The following DRC3 variants were observed in gnomAD, a reference collection of about 807,000 sequenced individuals.
DRC3 encodes the protein dynein regulatory complex subunit 3.
DRC3 carries 45 observed loss-of-function variants against 57.6 expected under a neutral mutation model. That is an observed-to-expected ratio of 0.78 (90% CI 0.62 to 1.00). DRC3 has a LOEUF of 1.00. Ranked by LOEUF, DRC3 falls within the 50% of genes least tolerant of loss-of-function variation. The pLI is 0.00. For synonymous variants in DRC3, 257 were observed against 272.3 expected (o/e 0.94, Z 0.55); for missense variants, 655 against 675.2 (o/e 0.97, Z 0.33).
chr17:17,974,278 C>A (rs2042282045), intron 2 of DRC3, among the ~76,000 whole-genome samples: 1 of 152,220 alleles, frequency 6.6e-6, no homozygotes. Context: ...TTGCTAACAC[C>A]CTGGTCATCT....
intron 3 of DRC3, chr17:17,978,080 G>C: frequency 5.0e-6 from 1 of 199,208 alleles, no homozygotes. Flanking sequence ...GGTGTCCTTG[G>C]AGTGGGGGTC....
intron 12 of DRC3, chr17:18,015,725 T>C (rs2044335431): frequency 8.8e-6 from 2 of 227,046 alleles, no homozygotes; most frequent in Non-Finnish European, 1.8e-5. Flanking sequence ...TTGAGAGTAA[T>C]TGAGAGAGAA....
At chr17:17,994,467 A>T in intron 7 of DRC3, 49 bp downstream of exon 7, 1 of 1,542,740 alleles carries the variant, frequency 6.5e-7, no homozygotes, top group Non-Finnish European at 8.7e-7. Flanking sequence ...GATGCCCACA[A>T]GAGGGCACTG....
chr17:17,993,133 C>A, intron 6 of DRC3: 1 of 521,018 alleles, frequency 1.9e-6, no homozygotes, highest in Non-Finnish European at 3.4e-6. Flanking sequence ...AGGCCTCTTC[C>A]ACACACTGTC....
At chr17:17,997,862 C>A (rs1328990186) in intron 9 of DRC3, among the ~76,000 whole-genome samples, 1 of 152,174 alleles carries the variant, frequency 6.6e-6, no homozygotes, top group Non-Finnish European at 1.5e-5. Flanking sequence ...GACGTGTGGC[C>A]TGTGGGTCTT....
intron 12 of DRC3, among the ~76,000 whole-genome samples, chr17:18,014,904 TG>T (rs1351822705): frequency 6.6e-6 from 1 of 152,192 alleles, no homozygotes; most frequent in East Asian, 1.9e-4. Context: ...ATTTCTCCCT[TG>T]TGACTGTGCT....
At chr17:17,978,210 G>A (rs2042481075) in intron 3 of DRC3, among the ~76,000 whole-genome samples, 1 of 152,210 alleles carries the variant, frequency 6.6e-6, no homozygotes, top group African/African-American at 2.4e-5. Flanking sequence ...AGACAGGCTG[G>A]TAGCAGGAGG....
Position 18,011,528 on chromosome 17 carries a change from A to T in DRC3, c.1326+4381A>T, listed in dbSNP as rs532296733. On this transcript the variant is annotated intron_variant, in intron 12 of 13. Transcript: ENST00000399187. ...GGCTGCTGCGGCTCTGTGCTGCTGCACCTTATTCCTGCACCCAGGGGCACT... is the reference window on the plus strand; with the variant it reads ...GGCTGCTGCGGCTCTGTGCTGCTGCTCCTTATTCCTGCACCCAGGGGCACT... 6 of 173,038 alleles carry T rather than the reference A, an allele frequency of 3.5e-5. No homozygotes were observed. In the South Asian group the frequency reaches 6.3e-4, roughly 18 times the overall value. 10.7% of individuals were successfully genotyped at this position (173,038 alleles called of 1,614,324 possible). A position where few individuals can be genotyped will look rare whatever the true frequency, so the allele number is the denominator to read the frequency against.
At chr17:17,974,476 A>C (rs1004622315) in intron 2 of DRC3, among the ~76,000 whole-genome samples, 1 of 152,112 alleles carries the variant, frequency 6.6e-6, no homozygotes, top group Non-Finnish European at 1.5e-5. Flanking sequence ...GTTTCAAGCG[A>C]TTCTCCTGCC....
chr17:17,980,018 C>T (rs897233884), intron 3 of DRC3, among the ~76,000 whole-genome samples: 7 of 151,746 alleles, frequency 4.6e-5, no homozygotes, highest in African/African-American at 1.7e-4. Context: ...GAAGGGCAGT[C>T]CCACCCAGCC....
chr17:17,995,194 T>G (rs1188540145), intron 8 of DRC3, 83 bp downstream of exon 8: 3 of 933,672 alleles, frequency 3.2e-6, no homozygotes, highest in Non-Finnish European at 5.1e-6. Flanking sequence ...AGGCCTCAGT[T>G]TCTTCATCTC....
At chr17:17,980,232 C>T (rs1435211480) in intron 3 of DRC3, among the ~76,000 whole-genome samples, 1 of 151,910 alleles carries the variant, frequency 6.6e-6, no homozygotes, top group East Asian at 1.9e-4. Context: ...GAAACGGCAG[C>T]TGGACTGTAT....
rs202171250 is a variant in DRC3, at chr17:18,016,112, G to A, written c.1375G>A (p.Asp459Asn). 83 of 1,613,924 alleles carry A rather than the reference G, an allele frequency of 5.1e-5. No individual in the cohort carries two copies. The East Asian group carries it at 1.3e-3, about 26-fold the overall frequency. ...TIVNAVGASH[D>N]IHLLKIDNRE... ...TGTTAATGCTGTCGGGGCATCGCAC[G>A]ACATCCACCTCCTGAAGATTGACAA... Residue 459 changes from aspartate (D) to asparagine (N), a missense_variant, in exon 13 of 14, where the codon GAC becomes AAC. Physicochemically the swap from Asp to Asn is conservative, Grantham distance 23 (BLOSUM62 1). Coordinates refer to ENST00000399187, the MANE Select transcript of DRC3 (RefSeq NM_031294.4).
chr17:17,975,390 T>A (rs772005028), intron 2 of DRC3, among the ~76,000 whole-genome samples: 19 of 152,022 alleles, frequency 1.2e-4, no homozygotes, highest in Admixed American at 6.5e-4. Flanking sequence ...TTTTGTATTT[T>A]TAATAAAGTC....
At chr17:17,988,668 T>G (rs2043079730) in intron 5 of DRC3, among the ~76,000 whole-genome samples, 1 of 152,204 alleles carries the variant, frequency 6.6e-6, no homozygotes, top group African/African-American at 2.4e-5. Flanking sequence ...GGCTCCTGGC[T>G]TGCTTCTGCA....
intron 9 of DRC3, among the ~76,000 whole-genome samples, chr17:18,003,484 TAAAAA>T (rs71155309): frequency 3.3e-4 from 10 of 30,120 alleles, no homozygotes; most frequent in African/African-American, 1.0e-3. Context: ...ACTACGTCTT[TAAAAA>T]AAAAAAAAAA....
chr17:17,997,624 A>G lies in DRC3; in HGVS notation c.989A>G (p.Lys330Arg). The G allele has an allele frequency of 6.2e-7, 1 of 1,605,826 alleles. No individual in the cohort carries two copies. Among genetic ancestry groups the G allele is most frequent in the South Asian group, 1.1e-5 (1 of 89,684 alleles). ...CGCAAGATTGCCAAATTCGAGGAGAAGCACTTGTCGGTAGGCCCCGAGCCT... is the reference window on the plus strand; with the variant it reads ...CGCAAGATTGCCAAATTCGAGGAGAGGCACTTGTCGGTAGGCCCCGAGCCT... ...GKRKIAKFEE[K>R]HLSSLSAIRE... Residue 330 changes from lysine (K) to arginine (R), a missense_variant, in exon 9 of 14, where the codon AAG (lysine) becomes AGG (arginine). Physicochemically the swap from Lys to Arg is conservative, Grantham distance 26. Transcript: ENST00000399187.
In DRC3 at chr17:18,007,139, C is replaced by A. The variant is rs374334607; in HGVS notation, c.1318C>A (p.Leu440Met). 9.9e-7 allele frequency: 1 copy of A among 1,009,206 alleles called. No homozygotes were observed. The highest frequency in any genetic ancestry group is 1.2e-6 in the Non-Finnish European group (1 of 822,028). 62.5% of individuals were successfully genotyped at this position (1,009,206 alleles called of 1,614,324 possible). A position where few individuals can be genotyped will look rare whatever the true frequency, so the allele number is the denominator to read the frequency against. ...GDLDEDLPND[L>M]RALFVDKDTI... ...CCTGGACGAGGACCTGCCTAACGAC[C>A]TGCGCGCGGTAGGCGGGGCGGGCTG... The change falls in exon 12 of 14, where the codon CTG becomes ATG. Residue 440 changes from leucine (L) to methionine (M), a missense_variant. Leu to Met is a conservative substitution (Grantham distance 15). Coordinates refer to ENST00000399187, the MANE Select transcript of DRC3 (RefSeq NM_031294.4).
chr17:17,977,817 T>C, intron 3 of DRC3, 59 bp downstream of exon 3: 1 of 1,499,300 alleles, frequency 6.7e-7, no homozygotes, highest in Non-Finnish European at 8.9e-7. Flanking sequence ...CTTTCTCTGC[T>C]CCATCTTCAA....
Sources: allele counts gnomAD v4.1 joint callset (sites outside exome capture counted in the v4.1 genomes callset), GRCh38; gene constraint gnomAD v4.1.1; transcripts MANE v1.5; gene names NCBI Gene and HGNC (gene_info 2026-07-23, HGNC 2026-07-21).